Variants in MGA observed in about 807,000 individuals in gnomAD.
MGA encodes the protein MAX dimerization protein MGA.
MGA carries 40 observed loss-of-function variants against 261.1 expected under a neutral mutation model. That is an observed-to-expected ratio of 0.15 (90% confidence interval 0.12 to 0.20). The LOEUF (loss-of-function observed/expected upper bound fraction) is 0.20, where lower values mean the gene tolerates loss of function less well. Ranked by LOEUF, MGA falls within the 10% of genes least tolerant of loss-of-function variation. The pLI is 1.00. For missense variants in MGA, 3,397 were observed against 3,630.5 expected (o/e 0.94, Z 1.65); for synonymous variants, 1,302 against 1,290.6 (o/e 1.01, Z -0.19).
At chr15:41,728,756 A>G (rs1055029182) in intron 10 of MGA, among the ~76,000 whole-genome samples, 22 of 152,246 alleles carry the variant, frequency 1.4e-4, no homozygotes, top group African/African-American at 4.6e-4. Flanking sequence ...GGTCAGCTGG[A>G]TAGAAAATAA....
intron 1 of MGA, among the ~76,000 whole-genome samples, chr15:41,624,837 T>C (rs190227773): frequency 6.6e-6 from 1 of 152,100 alleles, no homozygotes; most frequent in Non-Finnish European, 1.5e-5. Flanking sequence ...GGGAAAACAG[T>C]TTTCCAGTCT....
intron 1 of MGA, among the ~76,000 whole-genome samples, chr15:41,633,327 C>G (rs1363776370): frequency 6.8e-6 from 1 of 148,104 alleles, no homozygotes; most frequent in African/African-American, 2.5e-5. Context: ...CCTAAGTAGT[C>G]TCTTCCTGAC....
At chr15:41,754,400 T>G (rs1198618708) in intron 17 of MGA, 37 bp from the exon 18 acceptor site, 6 of 1,496,066 alleles carry the variant, frequency 4.0e-6, no homozygotes, top group Non-Finnish European at 5.4e-6. Flanking sequence ...TGCTTGCCAC[T>G]CAATACATTA....
intron 5 of MGA, among the ~76,000 whole-genome samples, chr15:41,702,658 T>G (rs1289821538): frequency 2.0e-5 from 3 of 152,242 alleles, no homozygotes; most frequent in Non-Finnish European, 4.4e-5. Context: ...GTTATATTGT[T>G]GTTGGTAGTT....
At chr15:41,706,585 C>CTTTTT (rs11407130) in intron 5 of MGA, among the ~76,000 whole-genome samples, 1 of 136,508 alleles carries the variant, frequency 7.3e-6, no homozygotes, top group Non-Finnish European at 1.5e-5. Context: ...TTTTTTTTCC[C>CTTTTT]TTTTTTTTTT....
chr15:41,747,753 G>C (rs1480432027), intron 15 of MGA, among the ~76,000 whole-genome samples: 1 of 152,110 alleles, frequency 6.6e-6, no homozygotes, highest in African/African-American at 2.4e-5. Flanking sequence ...CAGGAATCCA[G>C]ATTTAGAGAG....
At position 41,696,557 on chromosome 15, in the gene MGA, A is replaced by G. The variant is rs1468319265; in HGVS notation, c.1547A>G (p.Asn516Ser). The G allele has an allele frequency of 7.4e-6, 12 of 1,613,866 alleles. No homozygotes were observed. Among genetic ancestry groups the G allele is most frequent in the African/African-American group, 4.0e-5 (3 of 74,932 alleles). ...TTGCCTACATACATTGAAAATTCCAATGAGACTGCCTTCTGCTTAGGCAAG... is the reference window on the plus strand; with the variant it reads ...TTGCCTACATACATTGAAAATTCCAGTGAGACTGCCTTCTGCTTAGGCAAG... Residue 516 changes from asparagine (N) to serine (S), a missense_variant, in exon 3 of 24, where the codon AAT becomes AGT. Physicochemically the swap from Asn to Ser is conservative, Grantham distance 46 (BLOSUM62 1). Coordinates refer to ENST00000219905, the MANE Select transcript of MGA (RefSeq NM_001164273.2).
upstream of MGA, among the ~76,000 whole-genome samples, chr15:41,659,989 G>A (rs1419722731): frequency 6.6e-6 from 1 of 152,244 alleles, no homozygotes; most frequent in African/African-American, 2.4e-5. Flanking sequence ...CATTTGACGG[G>A]CTTGTGGAGG....
intron 2 of MGA, among the ~76,000 whole-genome samples, chr15:41,694,763 C>T (rs549118504): frequency 2.0e-3 from 310 of 152,228 alleles, no homozygotes; most frequent in African/African-American, 5.2e-3. Flanking sequence ...CCACCTGCCT[C>T]GGCCTCCCAA....
chr15:41,656,369 T>C (rs1595581948), upstream of MGA, among the ~76,000 whole-genome samples: 2 of 128,954 alleles, frequency 1.6e-5, no homozygotes, highest in African/African-American at 2.6e-5. Context: ...TCTCTCTCTC[T>C]CTCTCTCTCA....
rs1470531127 is a variant in MGA at position 41,632,928 on chromosome 15, G to A, written c.-68+11630G>A. ...TGTGTTTCAGGAAACTTTATATATAGACACTGAAATTTGAATTTCATGTAA... is the reference window on the plus strand; with the variant it reads ...TGTGTTTCAGGAAACTTTATATATAAACACTGAAATTTGAATTTCATGTAA... On this transcript the variant is annotated intron_variant, in intron 1 of 8. Coordinates refer to the MGA transcript ENST00000566718. 4.6e-5 allele frequency among the ~76,000 whole-genome samples: 7 copies of A among 151,852 alleles called. No individual in the cohort carries two copies. The East Asian group carries it at 1.4e-3, about 29-fold the overall frequency.
chr15:41,710,100 T>C (rs1305473723), intron 7 of MGA, among the ~76,000 whole-genome samples: 1 of 152,176 alleles, frequency 6.6e-6, no homozygotes, highest in East Asian at 1.9e-4. Context: ...GCGCTGGGAT[T>C]GCAGGAGTGA....
chr15:41,729,271 T>C lies in MGA; in HGVS notation c.3765T>C (p.Ser1255=). 6.2e-7 allele frequency: 1 copy of C among 1,613,876 alleles called. No homozygotes were observed. The highest frequency in any genetic ancestry group is 8.5e-7 in the Non-Finnish European group (1 of 1,179,850). Residue 1255 remains serine (S), a synonymous_variant, in exon 11 of 24, where the codon TCT becomes TCC. Coordinates refer to ENST00000219905, the MANE Select transcript of MGA (RefSeq NM_001164273.2). ...AAAAAGAGGACCAGAGACAACCATC[T>C]TCCTCCTCCTCCCCATCTCCATCAT...
In MGA at chr15:41,727,195, A is replaced by C. The variant is rs2061297204; in HGVS notation, c.3446A>C (p.Glu1149Ala). The C allele has an allele frequency of 1.9e-6, 3 of 1,613,654 alleles. No homozygotes were observed. In the East Asian group the frequency reaches 6.7e-5, roughly 36 times the overall value. ...TTTTGTTAAGCTATATGTGAGACAG[A>C]GCCTGAACAGCCTGTTCGACATTAC... Residue 1149 changes from glutamate to alanine, a missense_variant, in exon 10 of 24, where the codon GAG becomes GCG. Physicochemically the swap from Glu to Ala is moderately radical, Grantham distance 107 (BLOSUM62 -1). Transcript: ENST00000219905.
At chr15:41,697,347 A>G (rs1179296989) in intron 3 of MGA, among the ~76,000 whole-genome samples, 3 of 152,032 alleles carry the variant, frequency 2.0e-5, no homozygotes, top group Admixed American at 2.0e-4. Context: ...CTAAAAATAC[A>G]TGAAATATTT....
At chr15:41,623,395 A>G (rs2140899708) in intron 1 of MGA, among the ~76,000 whole-genome samples, 1 of 152,316 alleles carries the variant, frequency 6.6e-6, no homozygotes, top group Non-Finnish European at 1.5e-5. Context: ...AGGTGTTCCA[A>G]AATTATATTG....
Position 41,736,621 on chromosome 15 carries a change from T to G in MGA, c.4357T>G (p.Tyr1453Asp), listed in dbSNP as rs554895438. 30 of 1,614,014 alleles carry G rather than the reference T, an allele frequency of 1.9e-5. 1 individual carries two copies. In the South Asian group the frequency reaches 3.1e-4, roughly 17 times the overall value. The change falls in exon 13 of 24, where the codon TAT becomes GAT. Residue 1453 changes from tyrosine (Y) to aspartate (D), a missense_variant. Around this residue, in one of 9 missense-constraint regions of MGA, gnomAD observed 1,410 missense variants for 1,386.4 expected, o/e 1.02. Transcript: ENST00000219905. Reference sequence around the variant, plus strand: ...ACATGGAGGCAAAGGTCTGCCTTTTTATGCAGGGCTTTCTCCTGCAGGGAA... The same window carrying G: ...ACATGGAGGCAAAGGTCTGCCTTTTGATGCAGGGCTTTCTCCTGCAGGGAA...
chr15:41,711,728 C>T (rs2060396089), intron 8 of MGA, among the ~76,000 whole-genome samples: 1 of 152,154 alleles, frequency 6.6e-6, no homozygotes. Context: ...TGGAGTCTCG[C>T]TCTGTTGCCC....
intron 1 of MGA, among the ~76,000 whole-genome samples, chr15:41,645,563 TAC>T (rs1160215481): frequency 6.6e-6 from 1 of 152,172 alleles, no homozygotes; most frequent in Non-Finnish European, 1.5e-5. Context: ...CAGCCTGGGC[TAC>T]AGAGTGAGAC....
Sources: allele counts gnomAD v4.1 joint callset (sites outside exome capture counted in the v4.1 genomes callset), GRCh38; gene constraint gnomAD v4.1.1; regional missense constraint gnomAD v4.1.1; transcripts MANE v1.5; gene names NCBI Gene and HGNC (gene_info 2026-07-23, HGNC 2026-07-21).